MIB1: variants seen among roughly 807,000 people sequenced by gnomAD.
MIB1 encodes the protein MIB E3 ubiquitin protein ligase 1, also known as E3 ubiquitin-protein ligase MIB1.
In MIB1, 278 loss-of-function variants were observed where a neutral mutation model predicts 124.5. That is an observed-to-expected ratio of 2.23 (90% confidence interval 2.02 to 2.47). MIB1 has a LOEUF of 2.47. MIB1 is among the 30% of genes most tolerant of loss of function. The pLI, the probability that MIB1 is intolerant of heterozygous loss-of-function variation, is 0.00. For synonymous variants in MIB1, 446 were observed against 429.4 expected, an observed-to-expected ratio of 1.04 and a Z score of -0.48; for missense variants, 957 against 1,254.4, an observed-to-expected ratio of 0.76 and a Z score of 3.58.
intron 6 of MIB1, among the ~76,000 whole-genome samples, chr18:21,782,107 TC>T (rs1210347921): frequency 1.3e-5 from 2 of 152,108 alleles, no homozygotes; most frequent in Non-Finnish European, 2.9e-5. Context: ...TTTGAAATCT[TC>T]CTACTTTTTA....
At chr18:21,771,390 C>G (rs1208157336) in intron 3 of MIB1, among the ~76,000 whole-genome samples, 2 of 152,062 alleles carry the variant, frequency 1.3e-5, no homozygotes, top group African/African-American at 4.8e-5. Context: ...TTTACTCATC[C>G]TATAAAATAC....
intron 1 of MIB1, among the ~76,000 whole-genome samples, chr18:21,729,672 T>G (rs992189471): frequency 6.6e-6 from 1 of 152,100 alleles, no homozygotes; most frequent in African/African-American, 2.4e-5. Flanking sequence ...GTAATTTTAG[T>G]TGAGACAGGA....
At chr18:21,711,443 G>A (rs1476788417) in intron 1 of MIB1, among the ~76,000 whole-genome samples, 1 of 151,240 alleles carries the variant, frequency 6.6e-6, no homozygotes, top group Non-Finnish European at 1.5e-5. Context: ...CACTACGCCC[G>A]GCTAATCTTT....
chr18:21,818,516 A>G (rs2041850588), intron 11 of MIB1, among the ~76,000 whole-genome samples: 1 of 152,164 alleles, frequency 6.6e-6, no homozygotes. Flanking sequence ...GTAAAGCTTC[A>G]GCATGTGCCA....
chr18:21,718,541 G>A (rs959609771), intron 1 of MIB1, among the ~76,000 whole-genome samples: 2 of 152,198 alleles, frequency 1.3e-5, no homozygotes, highest in African/African-American at 4.8e-5. Flanking sequence ...GGCCTCAGAT[G>A]TCATCTGACT....
Position 21,803,706 on chromosome 18 carries a change from T to G in MIB1, c.1372-201T>G, listed in dbSNP as rs1265728929. On this transcript the variant is annotated intron_variant, in intron 9 of 20. Coordinates refer to ENST00000261537, the MANE Select transcript of MIB1 (RefSeq NM_020774.4). ...TTCGTAACTCTTTGGACAATGAAAC[T>G]TTTGTTTTTTAAAACAATGCTTGCT... 1.6e-5 allele frequency: 7 copies of G among 424,604 alleles called. No homozygotes were observed. The Admixed American group carries it at 1.9e-4, about 12-fold the overall frequency. The allele number at this position is 424,604 out of a possible 1,614,324, so 26.3% of individuals were successfully genotyped here.
At chr18:21,785,007 A>G (rs1450391831) in intron 6 of MIB1, among the ~76,000 whole-genome samples, 1 of 152,196 alleles carries the variant, frequency 6.6e-6, no homozygotes, top group Non-Finnish European at 1.5e-5. Context: ...TCTAGATAGC[A>G]GTAGTAGAAT....
chr18:21,744,454 G>A (rs1284512576), intron 1 of MIB1, among the ~76,000 whole-genome samples: 2 of 151,796 alleles, frequency 1.3e-5, no homozygotes, highest in Non-Finnish European at 2.9e-5. Flanking sequence ...ACACTAATAC[G>A]GTAATACTGT....
chr18:21,786,301 G>A (rs2041434853), intron 6 of MIB1, among the ~76,000 whole-genome samples: 1 of 152,128 alleles, frequency 6.6e-6, no homozygotes, highest in Non-Finnish European at 1.5e-5. Flanking sequence ...GTTTCACCAT[G>A]TTAGCGAAGA....
At chr18:21,743,150 G>A (rs372425171) in intron 1 of MIB1, among the ~76,000 whole-genome samples, 6 of 152,150 alleles carry the variant, frequency 3.9e-5, no homozygotes, top group African/African-American at 1.2e-4. Flanking sequence ...AGATTCAACA[G>A]CACAAAAAGG....
chr18:21,741,798 A>G lies in MIB1; in HGVS notation c.215A>G (p.Asp72Gly), dbSNP rs1163688091. The part of the protein sequence containing the change: ...CSGAYDLRIL[D>G]SAPTGIKHDG... ...GGGGCTTACGACCTCCGCATCCTGGACAGCGCGCCCACCGGTAAGCCGCGG... is the reference window on the plus strand; with the variant it reads ...GGGGCTTACGACCTCCGCATCCTGGGCAGCGCGCCCACCGGTAAGCCGCGG... Residue 72 changes from aspartate to glycine, a missense_variant, in exon 1 of 21, where the codon GAC becomes GGC. By Grantham distance (94) the Asp-to-Gly change is moderately conservative (BLOSUM62 -1). Coordinates refer to ENST00000261537, the MANE Select transcript of MIB1 (RefSeq NM_020774.4). This position sits in a 1 kb window ranked among gnomAD's most constrained non-coding sequence, Gnocchi z 5.4. 1 of 1,602,724 alleles carries G rather than the reference A, an allele frequency of 6.2e-7. No homozygotes were observed. Among genetic ancestry groups the G allele is most frequent in the Admixed American group, 1.7e-5 (1 of 58,902 alleles).
In MIB1 at chr18:21,819,553, T is replaced by C. The variant is rs367822930; in HGVS notation, c.1736T>C (p.Leu579Pro). The C allele has an allele frequency of 3.1e-6, 5 of 1,611,018 alleles. No homozygotes were observed. The African/African-American group carries it at 4.0e-5, about 13-fold the overall frequency. ...DAISKKRDDI[L>P]AVLLEAGADV... ...ATAAGTAAGAAACGTGATGATATCC[T>C]AGCAGTTCTTTTGGAAGCTGGAGCA... Residue 579 changes from leucine (L) to proline (P), a missense_variant, in exon 12 of 21, where the codon CTA (leucine) becomes CCA (proline). By Grantham distance (98) the Leu-to-Pro change is moderately conservative (BLOSUM62 -3). Coordinates refer to ENST00000261537, the MANE Select transcript of MIB1 (RefSeq NM_020774.4).
At chr18:21,822,181 A>G (rs1050441022) in intron 12 of MIB1, among the ~76,000 whole-genome samples, 3 of 152,234 alleles carry the variant, frequency 2.0e-5, no homozygotes, top group African/African-American at 7.2e-5. Context: ...CAATGGTCAA[A>G]AAGATTTTAT....
At chr18:21,792,001 T>A (rs2041510329) in intron 7 of MIB1, among the ~76,000 whole-genome samples, 1 of 152,160 alleles carries the variant, frequency 6.6e-6, no homozygotes, top group Non-Finnish European at 1.5e-5. Context: ...GAGCTACAGT[T>A]TTTTATTTAG....
At chr18:21,862,824 TCTCAGCACTG>T (rs1306423260) in intron 20 of MIB1, among the ~76,000 whole-genome samples, 1 of 152,154 alleles carries the variant, frequency 6.6e-6, no homozygotes, top group African/African-American at 2.4e-5. Flanking sequence ...CTCAGCTACT[TCTCAGCACTG>T]CTCCCCACCC....
chr18:21,764,974 A>T (rs1293829584), intron 1 of MIB1, among the ~76,000 whole-genome samples: 1 of 152,220 alleles, frequency 6.6e-6, no homozygotes, highest in Non-Finnish European at 1.5e-5. Flanking sequence ...TGTTGAAAAA[A>T]AAATCCTAGT....
intron 6 of MIB1, 128 bp from the exon 7 acceptor site, chr18:21,791,242 TATAA>T (rs1434240120): frequency 1.2e-5 from 8 of 643,384 alleles, no homozygotes; most frequent in African/African-American, 3.7e-5. Flanking sequence ...TTTGTGTATA[TATAA>T]ATAAACACAA....
intron 1 of MIB1, among the ~76,000 whole-genome samples, chr18:21,732,885 T>G (rs1466406172): frequency 5.3e-5 from 8 of 152,204 alleles, no homozygotes; most frequent in Non-Finnish European, 1.2e-4. Flanking sequence ...GGTGAGGTTT[T>G]CTGTACATTA....
chr18:21,751,452 G>A (rs962724823), intron 1 of MIB1, among the ~76,000 whole-genome samples: 1 of 151,834 alleles, frequency 6.6e-6, no homozygotes, highest in Non-Finnish European at 1.5e-5. Flanking sequence ...GTAGAGATGG[G>A]GTTTCACCAT....
Sources: allele counts gnomAD v4.1 joint callset (sites outside exome capture counted in the v4.1 genomes callset), GRCh38; gene constraint gnomAD v4.1.1; non-coding constraint Gnocchi (gnomAD v3.1); transcripts MANE v1.5; gene names NCBI Gene and HGNC (gene_info 2026-07-23, HGNC 2026-07-21).